Variants in KAZN observed in about 807,000 individuals in gnomAD.
The protein encoded by KAZN is kazrin, periplakin interacting protein.
In KAZN, 40 loss-of-function variants were observed where a neutral mutation model predicts 87.4. That is an observed-to-expected ratio of 0.46 (90% CI 0.36 to 0.60). The LOEUF (loss-of-function observed/expected upper bound fraction) is 0.60, where lower values mean the gene tolerates loss of function less well. Ranked by LOEUF, KAZN falls within the 20% of genes least tolerant of loss-of-function variation. KAZN has a pLI of 0.00. For missense variants in KAZN, 898 were observed against 1,073.9 expected, an observed-to-expected ratio of 0.84 and a Z score of 2.29; for synonymous variants, 466 against 458.3, an observed-to-expected ratio of 1.02 and a Z score of -0.22.
At chr1:13,953,213 G>A (rs144261131) in intron 1 of KAZN, among the ~76,000 whole-genome samples, 2 of 152,220 alleles carry the variant, frequency 1.3e-5, no homozygotes, top group Admixed American at 1.3e-4. Context: ...GTGAATTTTG[G>A]CTTTATTGAC....
intron 2 of KAZN, among the ~76,000 whole-genome samples, chr1:14,395,824 T>C (rs1382577730): frequency 1.3e-5 from 2 of 152,128 alleles, no homozygotes; most frequent in African/African-American, 4.8e-5. Flanking sequence ...GGAGTGGCAC[T>C]GACCAATCAG....
At chr1:14,166,600 T>C (rs990831449) in intron 1 of KAZN, among the ~76,000 whole-genome samples, 3 of 84,796 alleles carry the variant, frequency 3.5e-5, no homozygotes, top group African/African-American at 9.7e-5. Flanking sequence ...TGTTATAAAT[T>C]TGGTACTATT....
chr1:13,975,337 G>A (rs114199958), intron 1 of KAZN, among the ~76,000 whole-genome samples: 3,622 of 152,312 alleles, frequency 0.024, 70 homozygotes, highest in Non-Finnish European at 0.039. Context: ...CCCATACCAA[G>A]CATATAAAAA....
intron 2 of KAZN, among the ~76,000 whole-genome samples, chr1:14,206,376 T>A (rs1646745638): frequency 2.0e-5 from 3 of 152,200 alleles, no homozygotes; most frequent in South Asian, 4.1e-4. Flanking sequence ...GAAAAGTTAT[T>A]CTTCCTGCTC....
At chr1:14,866,014 T>C (rs1434515301) in intron 1 of KAZN, among the ~76,000 whole-genome samples, 1 of 152,188 alleles carries the variant, frequency 6.6e-6, no homozygotes, top group African/African-American at 2.4e-5. Flanking sequence ...CCCCTAGAAC[T>C]GCAAGATGAT....
chr1:14,054,845 C>A (rs2101482839), intron 1 of KAZN, among the ~76,000 whole-genome samples: 1 of 152,290 alleles, frequency 6.6e-6, no homozygotes, highest in Middle Eastern at 3.4e-3. Flanking sequence ...AGCACATAAG[C>A]TAGTGTAGGA....
chr1:14,941,146 C>T (rs1335378460), intron 1 of KAZN, among the ~76,000 whole-genome samples: 1 of 152,094 alleles, frequency 6.6e-6, no homozygotes, highest in African/African-American at 2.4e-5. Flanking sequence ...TCTCAAACTC[C>T]TGACTTCAGG....
chr1:15,066,831 C>T lies in KAZN; in HGVS notation c.1222+1078C>T. ...CTCTCTCCTTCTCTCTCTGTCTCTC[C>T]CATTCTCCTGCCCATGCATGAAAGG... On this transcript the variant is annotated intron_variant, in intron 8 of 14. Coordinates refer to ENST00000376030, the MANE Select transcript of KAZN (RefSeq NM_201628.3). This position sits in a 1 kb window ranked among gnomAD's most constrained non-coding sequence, Gnocchi z 4.3. 1.0e-6 allele frequency: 1 copy of T among 985,520 alleles called. No individual in the cohort carries two copies. Among genetic ancestry groups the T allele is most frequent in the Non-Finnish European group, 1.2e-6 (1 of 830,002 alleles). The allele number at this position is 985,520 out of a possible 1,614,324, so 61.0% of individuals were successfully genotyped here. A position where few individuals can be genotyped will look rare whatever the true frequency, so the allele number is the denominator to read the frequency against.
At chr1:14,471,789 C>A (rs1362748141) in intron 2 of KAZN, among the ~76,000 whole-genome samples, 1 of 152,114 alleles carries the variant, frequency 6.6e-6, no homozygotes, top group Non-Finnish European at 1.5e-5. Flanking sequence ...TTCTGTTTGC[C>A]CACAAGTGTT....
At chr1:13,983,705 C>T (rs12732688) in intron 1 of KAZN, among the ~76,000 whole-genome samples, 21,028 of 152,296 alleles carry the variant, frequency 0.14, 1,593 homozygotes, top group Middle Eastern at 0.2. Flanking sequence ...CTGTGAGGAC[C>T]GCCAGCACGC....
At chr1:14,771,846 T>C (rs1374757503) in intron 1 of KAZN, among the ~76,000 whole-genome samples, 1 of 151,790 alleles carries the variant, frequency 6.6e-6, no homozygotes, top group East Asian at 1.9e-4. Context: ...ATAATAAAAA[T>C]AAATGCCTAA....
chr1:14,126,124 C>T (rs1644860509), intron 1 of KAZN, among the ~76,000 whole-genome samples: 1 of 152,146 alleles, frequency 6.6e-6, no homozygotes, highest in Non-Finnish European at 1.5e-5. Flanking sequence ...TTTCTCACTA[C>T]TTATGTGGAC....
At chr1:14,339,800 C>G (rs948962519) in intron 2 of KAZN, among the ~76,000 whole-genome samples, 1 of 152,202 alleles carries the variant, frequency 6.6e-6, no homozygotes, top group African/African-American at 2.4e-5. Context: ...CTGGGCACCA[C>G]ATGAGCTAGT....
chr1:13,935,622 C>G (rs1640700133), intron 1 of KAZN, among the ~76,000 whole-genome samples: 1 of 152,168 alleles, frequency 6.6e-6, no homozygotes, highest in Non-Finnish European at 1.5e-5. Context: ...ACATTTCCAG[C>G]AGAGAGCTTC....
intron 2 of KAZN, among the ~76,000 whole-genome samples, chr1:14,572,092 T>C (rs1674906585): frequency 6.6e-6 from 1 of 152,200 alleles, no homozygotes; most frequent in South Asian, 2.1e-4. Flanking sequence ...ACCGCCGCTC[T>C]GGGATCAGCC....
intron 2 of KAZN, among the ~76,000 whole-genome samples, chr1:14,483,965 T>C (rs892814653): frequency 2.5e-4 from 38 of 152,244 alleles, no homozygotes; most frequent in Non-Finnish European, 4.4e-4. Flanking sequence ...TGGTCTAATT[T>C]GATTCTCCCG....
At chr1:13,914,222 C>T (rs1255152932) in intron 1 of KAZN, among the ~76,000 whole-genome samples, 1 of 152,266 alleles carries the variant, frequency 6.6e-6, no homozygotes, top group Non-Finnish European at 1.5e-5. Context: ...GCTACTCATG[C>T]CTAGAAATCT....
chr1:15,094,232 C>T lies in KAZN; in HGVS notation c.1275C>T (p.Gly425=), dbSNP rs765022146. Residue 425 remains glycine (G), a synonymous_variant, in exon 9 of 15, where the codon GGC becomes GGT. Transcript: ENST00000376030. The surrounding 1 kb of genome is among the most constrained non-coding windows in gnomAD (Gnocchi z 4.5). ...PTRQSLSLSE[G]EEQMDRLQQV... ...GGCAGAGCCTCAGCCTGTCGGAAGG[C>T]GAGGAGCAGATGGACCGGCTGCAGC... The T allele has an allele frequency of 5.0e-6, 8 of 1,613,896 alleles. No individual in the cohort carries two copies. Among genetic ancestry groups the T allele is most frequent in the Non-Finnish European group, 6.8e-6 (8 of 1,179,884 alleles).
Position 14,413,593 on chromosome 1 carries a change from G to GAAAAAA in KAZN, c.250-185369_250-185364dup, listed in dbSNP as rs1169921344. 6.5e-4 allele frequency among the ~76,000 whole-genome samples: 43 copies of GAAAAAA among 66,098 alleles called. 2 individuals are homozygous for GAAAAAA. The highest frequency in any genetic ancestry group is 1.1e-3 in the Non-Finnish European group (39 of 36,186). The allele number at this position is 66,098 out of a possible 152,430, so 43.4% of individuals were successfully genotyped here. A position where few individuals can be genotyped will look rare whatever the true frequency, so the allele number is the denominator to read the frequency against. ...AACAGTGTGAAACTCCGTCTCAAAA[G>GAAAAAA]AAAAAAAAAAAAAAAAAAAAAAAAA... On this transcript the variant is annotated intron_variant, in intron 2 of 16. Transcript: ENST00000636203.
Sources: allele counts gnomAD v4.1 joint callset (sites outside exome capture counted in the v4.1 genomes callset), GRCh38; gene constraint gnomAD v4.1.1; non-coding constraint Gnocchi (gnomAD v3.1); transcripts MANE v1.5; gene names NCBI Gene and HGNC (gene_info 2026-07-23, HGNC 2026-07-21).